The following SGCZ variants were observed in gnomAD, a reference collection of about 807,000 sequenced individuals.
The protein encoded by SGCZ is sarcoglycan zeta.
SGCZ carries 40 observed loss-of-function variants against 41.3 expected under a neutral mutation model. That is an observed-to-expected ratio of 0.97 (90% CI 0.75 to 1.26). The LOEUF is 1.26. Ranked by LOEUF, SGCZ falls within the 50% of genes most tolerant of loss-of-function variation. The pLI, the probability that SGCZ is intolerant of heterozygous loss-of-function variation, is 0.00. For synonymous variants in SGCZ, 206 were observed against 137.5 expected (o/e 1.50, Z -3.49); for missense variants, 552 against 369.8 (o/e 1.49, Z -4.04).
chr8:14,903,846 G>A (rs1301318050), intron 1 of SGCZ, among the ~76,000 whole-genome samples: 1 of 151,958 alleles, frequency 6.6e-6, no homozygotes, highest in Non-Finnish European at 1.5e-5. Context: ...TTGGGTTAAA[G>A]TGAAGAGGAT....
At chr8:14,919,917 T>G (rs998773705) in intron 1 of SGCZ, among the ~76,000 whole-genome samples, 1 of 152,122 alleles carries the variant, frequency 6.6e-6, no homozygotes, top group East Asian at 1.9e-4. Flanking sequence ...GACTCTGTTT[T>G]TTTTGTTTTG....
intron 1 of SGCZ, among the ~76,000 whole-genome samples, chr8:14,782,384 GTT>G (rs1800618528): frequency 6.6e-6 from 1 of 152,042 alleles, no homozygotes; most frequent in Admixed American, 6.6e-5. Context: ...CTTCTGTTTT[GTT>G]TTGTCTTGTT....
intron 3 of SGCZ, among the ~76,000 whole-genome samples, chr8:14,318,481 C>T (rs1334714641): frequency 1.3e-5 from 2 of 151,808 alleles, no homozygotes; most frequent in South Asian, 4.1e-4. Flanking sequence ...AAACCTAACC[C>T]ATATCTCCAG....
At chr8:14,149,758 A>G (rs935488508) in intron 5 of SGCZ, among the ~76,000 whole-genome samples, 3 of 152,118 alleles carry the variant, frequency 2.0e-5, no homozygotes, top group Non-Finnish European at 4.4e-5. Context: ...GGAGTAATAC[A>G]TCACCTGACT....
chr8:14,854,021 T>TA (rs1554512085), intron 1 of SGCZ, among the ~76,000 whole-genome samples: 3 of 107,670 alleles, frequency 2.8e-5, no homozygotes, highest in African/African-American at 9.2e-5. Context: ...TGTGATTATA[T>TA]TATATATATA....
chr8:14,214,748 G>C (rs1216164113), intron 4 of SGCZ, among the ~76,000 whole-genome samples: 3 of 151,714 alleles, frequency 2.0e-5, no homozygotes, highest in Non-Finnish European at 4.4e-5. Flanking sequence ...ATATTATAAA[G>C]CAAAGAATAT....
At chr8:14,549,544 T>C (rs567799256) in intron 2 of SGCZ, among the ~76,000 whole-genome samples, 5 of 152,182 alleles carry the variant, frequency 3.3e-5, no homozygotes, top group East Asian at 3.9e-4. Context: ...CGAAAAATAA[T>C]GTATCACCTA....
At chr8:15,055,651 T>A (rs941398513) in intron 1 of SGCZ, among the ~76,000 whole-genome samples, 1 of 152,178 alleles carries the variant, frequency 6.6e-6, no homozygotes, top group Non-Finnish European at 1.5e-5. Flanking sequence ...TGTGGATATC[T>A]CACTTGTCAA....
At chr8:15,182,608 C>A (rs1271578578) in intron 1 of SGCZ, among the ~76,000 whole-genome samples, 3 of 151,998 alleles carry the variant, frequency 2.0e-5, no homozygotes, top group African/African-American at 7.3e-5. Context: ...AGGACCCTTA[C>A]CATGAATGGA....
chr8:14,391,578 A>G (rs1804776364), intron 2 of SGCZ, among the ~76,000 whole-genome samples: 1 of 152,128 alleles, frequency 6.6e-6, no homozygotes, highest in Non-Finnish European at 1.5e-5. Context: ...ATATTATTGG[A>G]CAAGGCACCA....
At chr8:14,854,692 ATTTCT>A (rs1246590353) in intron 1 of SGCZ, among the ~76,000 whole-genome samples, 2 of 152,190 alleles carry the variant, frequency 1.3e-5, no homozygotes, top group Admixed American at 1.3e-4. Flanking sequence ...GGTCCTTCTG[ATTTCT>A]TTTTTCACTT....
chr8:14,088,893 A>G lies in SGCZ; in HGVS notation c.*1550T>C, dbSNP rs952959499. On this transcript the variant is annotated 3_prime_UTR_variant, in exon 8 of 8. Coordinates refer to ENST00000382080, the MANE Select transcript of SGCZ (RefSeq NM_139167.4). ...TGAGCTGTAGACACCTGAACTCCAA[A>G]GACTCTACAGCCATTAATCCCCAAA... Among the ~76,000 whole-genome samples the G allele has an allele frequency of 6.6e-6, 1 of 151,972 alleles. No homozygotes were observed. Among genetic ancestry groups the G allele is most frequent in the African/African-American group, 2.4e-5 (1 of 41,412 alleles).
At chr8:14,357,825 T>C (rs928538392) in intron 2 of SGCZ, among the ~76,000 whole-genome samples, 2 of 152,160 alleles carry the variant, frequency 1.3e-5, no homozygotes, top group African/African-American at 4.8e-5. Context: ...GTAGAGAAAC[T>C]GGTATTTTCT....
chr8:15,002,316 G>GAT lies in SGCZ; in HGVS notation c.39+235267_39+235268dup, dbSNP rs375934610. 6.7e-3 allele frequency among the ~76,000 whole-genome samples: 1,022 copies of GAT among 152,122 alleles called. 16 individuals carry two copies. The highest frequency in any genetic ancestry group is 0.032 in the South Asian group (155 of 4,820). On this transcript the variant is annotated intron_variant, in intron 1 of 7. Coordinates refer to ENST00000382080, the MANE Select transcript of SGCZ (RefSeq NM_139167.4). ...ATTCCTAAAATTAATACTTTAAAAA[G>GAT]ATAGTAAGGAAATGTATAGAATACA... is the stretch of plus-strand genomic sequence containing the variant.
chr8:14,720,791 G>A (rs867197370), intron 1 of SGCZ, among the ~76,000 whole-genome samples: 33 of 152,016 alleles, frequency 2.2e-4, no homozygotes, highest in African/African-American at 7.7e-4. Context: ...GAAATTTGCT[G>A]CCTACTGCTT....
intron 4 of SGCZ, among the ~76,000 whole-genome samples, chr8:14,177,675 A>ATTTTTTTT (rs1193141913): frequency 1.7e-3 from 185 of 111,278 alleles, no homozygotes; most frequent in Non-Finnish European, 2.5e-3. Context: ...ACGCCCTGCT[A>ATTTTTTTT]TTTTTTTTTT....
At chr8:15,208,569 T>A (rs1382742735) in intron 1 of SGCZ, among the ~76,000 whole-genome samples, 3 of 152,190 alleles carry the variant, frequency 2.0e-5, no homozygotes, top group African/African-American at 7.2e-5. Flanking sequence ...AGAAACAAGA[T>A]GCACTGTGAA....
intron 1 of SGCZ, among the ~76,000 whole-genome samples, chr8:14,846,439 C>A (rs1470190082): frequency 6.6e-6 from 1 of 151,740 alleles, no homozygotes; most frequent in African/African-American, 2.4e-5. Context: ...CAAGACTGAT[C>A]AGGAACATAC....
chr8:14,407,461 A>T (rs1024726769), intron 2 of SGCZ, among the ~76,000 whole-genome samples: 4 of 152,152 alleles, frequency 2.6e-5, no homozygotes, highest in Non-Finnish European at 5.9e-5. Context: ...ATTCAGGATC[A>T]GGACAAAGGT....
Sources: allele counts gnomAD v4.1 joint callset (sites outside exome capture counted in the v4.1 genomes callset), GRCh38; gene constraint gnomAD v4.1.1; transcripts MANE v1.5; gene names NCBI Gene and HGNC (gene_info 2026-07-23, HGNC 2026-07-21).